Variants in ATCAY observed in about 807,000 individuals in gnomAD.
ATCAY encodes the protein ATCAY kinesin light chain interacting caytaxin, also known as caytaxin.
Under a neutral mutation model 47.7 loss-of-function variants are expected in ATCAY, and 22 were observed. That is an observed-to-expected ratio of 0.46 (90% CI 0.33 to 0.66). The LOEUF is 0.66. Among genes scored for constraint, ATCAY ranks in the 30% least tolerant of loss-of-function variants. The pLI is 0.02. For synonymous variants in ATCAY, 216 were observed against 207.6 expected (o/e 1.04, Z -0.35); for missense variants, 452 against 515.0 (o/e 0.88, Z 1.18).
At chr19:3,909,809 G>A (rs2038907864) in intron 7 of ATCAY, among the ~76,000 whole-genome samples, 192 bp downstream of exon 7, 1 of 152,076 alleles carries the variant, frequency 6.6e-6, no homozygotes, top group Non-Finnish European at 1.5e-5. Context: ...TTTAGGCCGG[G>A]CAAGGGGGCT....
At chr19:3,908,209 G>T in intron 5 of ATCAY, 59 bp from the exon 6 acceptor site, 1 of 1,444,468 alleles carries the variant, frequency 6.9e-7, no homozygotes, top group Non-Finnish European at 9.5e-7. Context: ...GTGGTGCGCG[G>T]GAGGCAGCTC....
In ATCAY at chr19:3,921,172, C is replaced by T. The variant is rs553328842; in HGVS notation, c.1106+374C>T. 5.6e-4 allele frequency among the ~76,000 whole-genome samples: 86 copies of T among 152,284 alleles called. 1 individual carries two copies. In the South Asian group the frequency reaches 0.015, roughly 26 times the overall value. On this transcript the variant is annotated intron_variant, in intron 12 of 12. Coordinates refer to ENST00000450849, the MANE Select transcript of ATCAY (RefSeq NM_033064.5). ...ATGATACCACAAAAGGGTAGACTGT[C>T]CACGCTCTGCCTCCGATTCTCCACC... is the stretch of plus-strand genomic sequence containing the variant.
At position 3,907,777 on chromosome 19, in the gene ATCAY, C is replaced by G; in HGVS notation, c.402C>G (p.Ser134Arg). ...CCGCCAAGAACATGCCCGGGGACAG[C>G]GCGGATCTATTTGGGGACGGCACGA... ...VATAKNMPGDSADLFGDGTTE... is the reference protein window; with the variant it reads ...VATAKNMPGDRADLFGDGTTE... Residue 134 changes from serine to arginine, a missense_variant, in exon 5 of 13, where the codon AGC becomes AGG. Physicochemically the swap from Ser to Arg is moderately radical, Grantham distance 110. Transcript: ENST00000450849. This position sits in a 1 kb window ranked among gnomAD's most constrained non-coding sequence, Gnocchi z 5.1. 6.2e-7 allele frequency: 1 copy of G among 1,614,004 alleles called. No individual in the cohort carries two copies. The highest frequency in any genetic ancestry group is 1.1e-5 in the South Asian group (1 of 91,088).
intron 10 of ATCAY, 26 bp downstream of exon 10, chr19:3,917,803 G>C (rs374312343): frequency 1.9e-6 from 3 of 1,606,602 alleles, no homozygotes; most frequent in Non-Finnish European, 2.5e-6. Context: ...TTTCTGCTGG[G>C]GCTGGGTCGG....
Position 3,924,580 on chromosome 19 carries a change from T to A in ATCAY, c.1107-3T>A. 6.2e-7 allele frequency: 1 copy of A among 1,613,758 alleles called. No homozygotes were observed. ...AACTTGGCCTGTGTCTTTCCCTCCC[T>A]AGCATGTCCTGAGGCGACGTGAGCA... On this transcript the variant is annotated splice_region_variant and splice_polypyrimidine_tract_variant and intron_variant, in intron 12 of 12. Coordinates refer to ENST00000450849, the MANE Select transcript of ATCAY (RefSeq NM_033064.5).
In ATCAY at chr19:3,887,017, C is replaced by T. The variant is rs567887253; in HGVS notation, c.77+1173C>T. Among the ~76,000 whole-genome samples, 19 of 152,206 alleles carry T rather than the reference C, an allele frequency of 1.2e-4. No individual in the cohort carries two copies. In the East Asian group the frequency reaches 3.7e-3, roughly 29 times the overall value. On this transcript the variant is annotated intron_variant, in intron 2 of 12. Coordinates refer to ENST00000450849, the MANE Select transcript of ATCAY (RefSeq NM_033064.5). ...ACATTTTGCAGGGACATCTTGTCTACACTCTGTCTCCCCACCACACGGAGC... is the reference window on the plus strand; with the variant it reads ...ACATTTTGCAGGGACATCTTGTCTATACTCTGTCTCCCCACCACACGGAGC...
At chr19:3,921,419 G>T (rs1322434382) in intron 12 of ATCAY, among the ~76,000 whole-genome samples, 1 of 150,490 alleles carries the variant, frequency 6.6e-6, no homozygotes, top group Non-Finnish European at 1.5e-5. Flanking sequence ...AATAGGGCTA[G>T]ACTTTGTCTC....
intron 9 of ATCAY, among the ~76,000 whole-genome samples, chr19:3,917,412 G>A (rs556276947): frequency 9.2e-5 from 14 of 151,724 alleles, no homozygotes; most frequent in Admixed American, 2.0e-4. Context: ...GGGAAACCCC[G>A]TCTGTACTAA....
rs533757647 is a variant in ATCAY at position 3,923,836 on chromosome 19, G to GTGGA, written c.1107-725_1107-722dup. Among the ~76,000 whole-genome samples, 245 of 135,950 alleles carry GTGGA rather than the reference G, an allele frequency of 1.8e-3. 2 individuals are homozygous for GTGGA. The highest frequency in any genetic ancestry group is 6.7e-3 in the South Asian group (26 of 3,854). The allele number at this position is 135,950 out of a possible 152,430, so 89.2% of individuals were successfully genotyped here. A position where few individuals can be genotyped will look rare whatever the true frequency, so the allele number is the denominator to read the frequency against. On this transcript the variant is annotated intron_variant, in intron 12 of 12. Transcript: ENST00000450849. ...GATGGATGAATGGATGGGTGGGTGG[G>GTGGA]TGGATGGATGGATGGATGGATGGAT...
intron 10 of ATCAY, among the ~76,000 whole-genome samples, chr19:3,918,522 TC>T (rs2038985939): frequency 6.8e-6 from 1 of 147,998 alleles, no homozygotes; most frequent in South Asian, 2.1e-4. Flanking sequence ...ACCATTGCAC[TC>T]CAGCCTGGGC....
intron 2 of ATCAY, among the ~76,000 whole-genome samples, chr19:3,899,460 C>T (rs2038796981): frequency 1.3e-5 from 2 of 151,788 alleles, no homozygotes; most frequent in Non-Finnish European, 2.9e-5. Context: ...ACTGCAAGCA[C>T]GCACCACCAC....
At chr19:3,908,402 G>A (rs776848266) in intron 6 of ATCAY, 32 bp downstream of exon 6, 4 of 1,539,696 alleles carry the variant, frequency 2.6e-6, no homozygotes, top group Non-Finnish European at 2.6e-6. Context: ...GCAGCCTCGG[G>A]CCAGCTCTGA....
rs943105824 is a variant in ATCAY, at chr19:3,905,376, G to C, written c.137-58G>C. 9.5e-6 allele frequency: 14 copies of C among 1,478,618 alleles called. No individual in the cohort carries two copies. In the African/African-American group the frequency reaches 1.7e-4, roughly 18 times the overall value. 91.6% of individuals were successfully genotyped at this position (1,478,618 alleles called of 1,614,324 possible). ...ACAGCTTCCACCAGGTAGGAAAATG[G>C]GGGGAAGGTAAAAGAGAGAAAGCAA... On this transcript the variant is annotated intron_variant, in intron 3 of 12. Coordinates refer to ENST00000450849, the MANE Select transcript of ATCAY (RefSeq NM_033064.5).
intron 2 of ATCAY, among the ~76,000 whole-genome samples, chr19:3,890,077 T>C (rs2038701953): frequency 6.6e-6 from 1 of 150,392 alleles, no homozygotes; most frequent in African/African-American, 2.4e-5. Flanking sequence ...CCCAAGTAGC[T>C]GGATTACAGG....
chr19:3,909,640 A>G (rs1397604491), intron 7 of ATCAY, 23 bp downstream of exon 7: 3 of 1,560,732 alleles, frequency 1.9e-6, no homozygotes, highest in African/African-American at 2.7e-5. Context: ...TGCCTCAGGA[A>G]GCACAGTGGG....
intron 2 of ATCAY, among the ~76,000 whole-genome samples, chr19:3,901,381 C>G (rs1411592483): frequency 6.6e-6 from 1 of 152,066 alleles, no homozygotes; most frequent in East Asian, 1.9e-4. Context: ...TATTTGGTTG[C>G]ACAAACTGTT....
intron 3 of ATCAY, among the ~76,000 whole-genome samples, chr19:3,904,457 G>A (rs942740217): frequency 2.0e-5 from 3 of 152,212 alleles, no homozygotes; most frequent in African/African-American, 7.2e-5. Context: ...GTTCCCCCAG[G>A]CAGAGACAAT....
chr19:3,912,545 C>T (rs1031234691), intron 8 of ATCAY, among the ~76,000 whole-genome samples: 12 of 151,958 alleles, frequency 7.9e-5, no homozygotes, highest in Non-Finnish European at 1.6e-4. Context: ...CTCCTGACTT[C>T]GTGATCCGCC....
rs1265888957 is a variant in ATCAY, at chr19:3,911,031, T to C, written c.866+142T>C. 4.2e-5 allele frequency: 38 copies of C among 915,108 alleles called. 1 individual carries two copies. Among genetic ancestry groups the C allele is most frequent in the Non-Finnish European group, 4.6e-5 (27 of 584,080 alleles). The allele number at this position is 915,108 out of a possible 1,614,324, so 56.7% of individuals were successfully genotyped here. A position where few individuals can be genotyped will look rare whatever the true frequency, so the allele number is the denominator to read the frequency against. ...TGTGTGCATCCATGTGTGTGTTTGATGTGCATGTTCCAGCTTCTCTATGAT... is the reference window on the plus strand; with the variant it reads ...TGTGTGCATCCATGTGTGTGTTTGACGTGCATGTTCCAGCTTCTCTATGAT... On this transcript the variant is annotated intron_variant, in intron 8 of 12. Transcript: ENST00000450849.
Sources: gnomAD v4.1 joint callset for allele counts (sites outside exome capture counted in the v4.1 genomes callset) on GRCh38, gnomAD v4.1.1 for gene constraint, Gnocchi (gnomAD v3.1) non-coding constraint, MANE v1.5 for transcripts, NCBI Gene and HGNC (gene_info 2026-07-23, HGNC 2026-07-21) for gene names.